The following SLC2A9 variants were observed in gnomAD, a reference collection of about 807,000 sequenced individuals.
The protein encoded by SLC2A9 is solute carrier family 2, facilitated glucose transporter member 9.
SLC2A9 carries 39 observed loss-of-function variants against 50.6 expected under a neutral mutation model. The ratio of observed to expected loss-of-function variants is 0.77; its 90% CI spans 0.60 to 1.01. The LOEUF is 1.01. Among genes scored for constraint, SLC2A9 ranks in the 50% least tolerant of loss-of-function variants. The probability of loss-of-function intolerance (pLI) is 0.00; values close to 1 mark genes in which losing one functional copy is unlikely to be tolerated. For missense variants in SLC2A9, 686 were observed against 677.6 expected (o/e 1.01, Z -0.14); for synonymous variants, 324 against 276.9 (o/e 1.17, Z -1.69).
At chr4:10,019,198 G>T in intron 1 of SLC2A9, 125 bp from the exon 2 acceptor site, 1 of 787,324 alleles carries the variant, frequency 1.3e-6, no homozygotes, top group Non-Finnish European at 2.1e-6. Flanking sequence ...CTTGGCTGGG[G>T]TAGAGACAGA....
chr4:9,955,141 C>A (rs1425299227), intron 5 of SLC2A9, among the ~76,000 whole-genome samples: 1 of 152,086 alleles, frequency 6.6e-6, no homozygotes, highest in African/African-American at 2.4e-5. Flanking sequence ...GCAAACAGCC[C>A]AATCCAAGGG....
At chr4:9,901,904 T>G (rs1353434235) in intron 8 of SLC2A9, among the ~76,000 whole-genome samples, 1 of 152,198 alleles carries the variant, frequency 6.6e-6, no homozygotes, top group Non-Finnish European at 1.5e-5. Context: ...GGCCAGGGGT[T>G]GGTTTCTTGG....
At chr4:9,918,028 C>A (rs1483512471) in intron 7 of SLC2A9, among the ~76,000 whole-genome samples, 1 of 152,066 alleles carries the variant, frequency 6.6e-6, no homozygotes, top group African/African-American at 2.4e-5. Flanking sequence ...ACCCCTGGGA[C>A]CTTGGGCAAT....
intron 6 of SLC2A9, among the ~76,000 whole-genome samples, chr4:9,931,511 G>A (rs912733384): frequency 2.6e-5 from 4 of 152,178 alleles, no homozygotes; most frequent in African/African-American, 9.7e-5. Context: ...GCCAGGCTTT[G>A]TGCGAGGTGT....
intron 1 of SLC2A9, among the ~76,000 whole-genome samples, chr4:10,026,533 G>A (rs1293670583): frequency 6.6e-6 from 1 of 152,146 alleles, no homozygotes; most frequent in African/African-American, 2.4e-5. Flanking sequence ...AGGACTGAAA[G>A]CAGCTGCTCA....
chr4:9,791,371 T>C (rs1719898061), intron 3 of SLC2A9, among the ~76,000 whole-genome samples: 1 of 152,216 alleles, frequency 6.6e-6, no homozygotes, highest in Non-Finnish European at 1.5e-5. Flanking sequence ...ACTGTGTCTC[T>C]CTAGTTTCAC....
intron 10 of SLC2A9, among the ~76,000 whole-genome samples, chr4:9,853,120 G>A (rs2109329575): frequency 6.7e-6 from 1 of 150,056 alleles, no homozygotes; most frequent in South Asian, 2.1e-4. Context: ...AGATTGCAGT[G>A]AGCCGAGATT....
chr4:9,914,595 T>G (rs1412235006), intron 7 of SLC2A9, among the ~76,000 whole-genome samples: 1 of 152,196 alleles, frequency 6.6e-6, no homozygotes, highest in Non-Finnish European at 1.5e-5. Flanking sequence ...TGGTTGAATC[T>G]CCAAGGCAGG....
At chr4:9,905,667 T>C (rs187194581) in intron 8 of SLC2A9, among the ~76,000 whole-genome samples, 243 of 152,334 alleles carry the variant, frequency 1.6e-3, no homozygotes, top group African/African-American at 5.8e-3. Context: ...GAGTGGCTTC[T>C]GGAGTCTGGA....
At chr4:10,031,699 T>C (rs570090270) in intron 1 of SLC2A9, among the ~76,000 whole-genome samples, 2 of 152,368 alleles carry the variant, frequency 1.3e-5, no homozygotes, top group African/African-American at 4.8e-5. Flanking sequence ...GCCGGAGGAC[T>C]CCGTTGCAGA....
Position 9,906,260 on chromosome 4 carries a change from C to A in SLC2A9, c.1113+1975G>T, listed in dbSNP as rs1045270818. ...AAAAGACACAGAGCTGGGACTGGAA[C>A]CCAGAAAGCATGGCACTGCCATCAG... is the stretch of plus-strand genomic sequence containing the variant. On this transcript the variant is annotated intron_variant, in intron 8 of 11. Transcript: ENST00000264784. Among the ~76,000 whole-genome samples, 7 of 152,168 alleles carry A rather than the reference C, an allele frequency of 4.6e-5. 1 individual carries two copies. Among genetic ancestry groups the A allele is most frequent in the Admixed American group, 4.6e-4 (7 of 15,276 alleles).
intron 8 of SLC2A9, among the ~76,000 whole-genome samples, chr4:9,892,306 C>T (rs559320220): frequency 2.1e-4 from 32 of 152,286 alleles, no homozygotes; most frequent in South Asian, 8.3e-4. Flanking sequence ...GTGCTGGCCC[C>T]GAAAGTCAGA....
At chr4:9,832,435 A>G (rs138844708) in intron 11 of SLC2A9, among the ~76,000 whole-genome samples, 1 of 152,256 alleles carries the variant, frequency 6.6e-6, no homozygotes, top group Non-Finnish European at 1.5e-5. Context: ...TACTAAACGT[A>G]TCTACCTGCC....
Position 9,826,345 on chromosome 4 carries a change from T to C in SLC2A9, c.*52A>G, listed in dbSNP as rs377314168. ...GTTTCCTGAAAAGTGAGATCATCCA[T>C]GTAGACAATCCTGTTTTTGACATAA... On this transcript the variant is annotated 3_prime_UTR_variant, in exon 12 of 12. Coordinates refer to ENST00000264784, the MANE Select transcript of SLC2A9 (RefSeq NM_020041.3). 1.7e-4 allele frequency: 273 copies of C among 1,577,374 alleles called. No homozygotes were observed. Among genetic ancestry groups the C allele is most frequent in the Admixed American group, 3.5e-4 (21 of 59,960 alleles).
At chr4:9,881,744 T>C (rs1735252564) in intron 10 of SLC2A9, among the ~76,000 whole-genome samples, 1 of 152,242 alleles carries the variant, frequency 6.6e-6, no homozygotes, top group Non-Finnish European at 1.5e-5. Context: ...AATCAAGCCA[T>C]GGCTGAAGGA....
intron 11 of SLC2A9, among the ~76,000 whole-genome samples, chr4:9,826,865 A>G (rs1384311753): frequency 6.6e-6 from 1 of 152,210 alleles, no homozygotes; most frequent in Non-Finnish European, 1.5e-5. Flanking sequence ...TGGCATTTAA[A>G]AATTAATCAT....
chr4:9,803,279 T>C (rs1257324516), intron 3 of SLC2A9, among the ~76,000 whole-genome samples: 1 of 152,256 alleles, frequency 6.6e-6, no homozygotes, highest in Non-Finnish European at 1.5e-5. Flanking sequence ...CTTGAGGTTG[T>C]TACTGTGATG....
At chr4:9,972,971 G>A (rs917859573) in intron 5 of SLC2A9, among the ~76,000 whole-genome samples, 1 of 152,116 alleles carries the variant, frequency 6.6e-6, no homozygotes, top group Non-Finnish European at 1.5e-5. Context: ...GAACAAAATT[G>A]AGATCCAAAA....
intron 6 of SLC2A9, chr4:9,923,039 C>T (rs1744221477): frequency 6.6e-6 from 1 of 152,230 alleles, no homozygotes; most frequent in Non-Finnish European, 1.5e-5. Context: ...TTGGAGTCCT[C>T]CCTATTCCAC....
Sources: gnomAD v4.1 joint callset for allele counts (sites outside exome capture counted in the v4.1 genomes callset) on GRCh38, gnomAD v4.1.1 for gene constraint, MANE v1.5 for transcripts, NCBI Gene and HGNC (gene_info 2026-07-23, HGNC 2026-07-21) for gene names.